The following DNAAF5 variants were observed in gnomAD, a reference collection of about 807,000 sequenced individuals.
The protein encoded by DNAAF5 is HEAT repeat containing 2.
A neutral mutation model predicts 75.8 loss-of-function variants in DNAAF5; 64 were observed. That is an observed-to-expected ratio of 0.84 (90% confidence interval 0.69 to 1.04). DNAAF5 has a LOEUF of 1.04. Ranked by LOEUF, DNAAF5 falls within the 50% of genes least tolerant of loss-of-function variation. DNAAF5 has a pLI of 0.00. For synonymous variants in DNAAF5, 657 were observed against 557.2 expected (o/e 1.18, Z -2.52); for missense variants, 1,269 against 1,178.5 (o/e 1.08, Z -1.12).
intron 7 of DNAAF5, among the ~76,000 whole-genome samples, chr7:762,552 C>T (rs1782695199): frequency 1.3e-5 from 2 of 152,028 alleles, no homozygotes; most frequent in African/African-American, 2.4e-5. Flanking sequence ...CGTGATTTCC[C>T]GCTCTCATTG....
chr7:737,292 C>T (rs1400920218), intron 2 of DNAAF5, among the ~76,000 whole-genome samples: 3 of 152,132 alleles, frequency 2.0e-5, no homozygotes, highest in Non-Finnish European at 4.4e-5. Flanking sequence ...GACAAGGTTT[C>T]ATCATGTTGG....
At chr7:738,464 C>T (rs1373903271) in intron 2 of DNAAF5, among the ~76,000 whole-genome samples, 1 of 152,046 alleles carries the variant, frequency 6.6e-6, no homozygotes, top group Admixed American at 6.6e-5. Flanking sequence ...CCTGGATGCT[C>T]CTGATGCTTG....
chr7:783,211 A>T (rs943357261), intron 12 of DNAAF5, among the ~76,000 whole-genome samples: 1 of 152,170 alleles, frequency 6.6e-6, no homozygotes, highest in Admixed American at 6.5e-5. Flanking sequence ...TCCGTCCGCC[A>T]TTCTTCCTGG....
chr7:758,518 G>A (rs1361662061), intron 6 of DNAAF5, among the ~76,000 whole-genome samples: 1 of 152,196 alleles, frequency 6.6e-6, no homozygotes, highest in African/African-American at 2.4e-5. Context: ...ACGTGTGTCG[G>A]CCCTTTGGCC....
At chr7:741,125 A>G (rs1166544496) in intron 3 of DNAAF5, among the ~76,000 whole-genome samples, 182 bp downstream of exon 3, 3 of 152,188 alleles carry the variant, frequency 2.0e-5, no homozygotes. Context: ...TCTTTTTAAC[A>G]TTGGACTGAG....
Position 726,864 on chromosome 7 carries a change from C to G in DNAAF5, c.144C>G (p.Arg48=). ...CCGACAGCAAGCCGGGCCGGCGGCG[C>G]GCCTTGGAGGCCCTGCGGCGCGCGC... ...LEADSKPGRR[R]ALEALRRALE... is the part of the protein sequence containing the mutation. Residue 48 remains arginine (R), a synonymous_variant, in exon 1 of 13, where the codon CGC becomes CGG. Transcript: ENST00000297440. 7.6e-7 allele frequency: 1 copy of G among 1,317,338 alleles called. No individual in the cohort carries two copies. The highest frequency in any genetic ancestry group is 9.6e-7 in the Non-Finnish European group (1 of 1,036,538). 81.6% of individuals were successfully genotyped at this position (1,317,338 alleles called of 1,614,324 possible).
Position 726,755 on chromosome 7 carries a change from C to A in DNAAF5, c.35C>A (p.Ala12Asp). 1 of 1,255,084 alleles carries A rather than the reference C, an allele frequency of 8.0e-7. No homozygotes were observed. Among genetic ancestry groups the A allele is most frequent in the South Asian group, 3.2e-5 (1 of 31,178 alleles). The allele number at this position is 1,255,084 out of a possible 1,614,324, so 77.7% of individuals were successfully genotyped here. A position where few individuals can be genotyped will look rare whatever the true frequency, so the allele number is the denominator to read the frequency against. Residue 12 changes from alanine to aspartate, a missense_variant, in exon 1 of 13, where the codon GCC (alanine) becomes GAC (aspartate). Coordinates refer to ENST00000297440, the MANE Select transcript of DNAAF5 (RefSeq NM_017802.4). ...CTGGGGGTGGCGGAGGCCGTGGCGG[C>A]CCCACACCCGGCTGAGGGGGCCGAG... ...AALGVAEAVA[A>D]PHPAEGAETA...
At chr7:748,286 T>C (rs1475003353) in intron 4 of DNAAF5, among the ~76,000 whole-genome samples, 4 of 142,624 alleles carry the variant, frequency 2.8e-5, no homozygotes. Flanking sequence ...TGGCCCACGG[T>C]GTTGGTGGGG....
chr7:756,936 A>G lies in DNAAF5; in HGVS notation c.1412A>G (p.His471Arg), dbSNP rs1782504598. 1 of 1,608,630 alleles carries G rather than the reference A, an allele frequency of 6.2e-7. No individual in the cohort carries two copies. The highest frequency in any genetic ancestry group is 1.3e-5 in the African/African-American group (1 of 74,782). Residue 471 changes from histidine to arginine, a missense_variant, in exon 6 of 13, where the codon CAC becomes CGC. Physicochemically the swap from His to Arg is conservative, Grantham distance 29. Coordinates refer to ENST00000297440, the MANE Select transcript of DNAAF5 (RefSeq NM_017802.4). ...RGCPREALQP[H>R]LAAIATELAQ... ...TGCCCCCGAGAAGCCCTCCAGCCGC[A>G]CCTGGCAGCCATCGCCACAGAGCTG...
chr7:784,036 TCCCCCACC>T (rs758883417), intron 12 of DNAAF5, among the ~76,000 whole-genome samples: 48 of 68,282 alleles, frequency 7.0e-4, no homozygotes, highest in Admixed American at 2.3e-3. Flanking sequence ...CTCCCCCACC[TCCCCCACC>T]GCACATCCGC....
At chr7:752,810 G>C (rs1176028924) in intron 4 of DNAAF5, among the ~76,000 whole-genome samples, 1 of 152,266 alleles carries the variant, frequency 6.6e-6, no homozygotes, top group Non-Finnish European at 1.5e-5. Context: ...GATGTTTGGA[G>C]ATGATGTATG....
rs1430504181 is a variant in DNAAF5, at chr7:775,007, T to TA, written c.2085dup (p.Arg696ThrfsTer52). ...GTCGTATGTGTTTGCTGATTGCAGA[T>TA]ACGGGACGTGCAGGAAACACTGATG... is the stretch of plus-strand genomic sequence containing the variant. On this transcript the variant is annotated frameshift_variant and splice_region_variant, in exon 11 of 13. Coordinates refer to ENST00000297440, the MANE Select transcript of DNAAF5 (RefSeq NM_017802.4). LOFTEE classifies it high-confidence loss of function. 6.2e-7 allele frequency: 1 copy of TA among 1,613,764 alleles called. No individual in the cohort carries two copies. The highest frequency in any genetic ancestry group is 8.5e-7 in the Non-Finnish European group (1 of 1,179,958).
At chr7:770,704 A>C in intron 9 of DNAAF5, 86 bp downstream of exon 9, 1 of 1,314,904 alleles carries the variant, frequency 7.6e-7, no homozygotes, top group South Asian at 1.3e-5. Context: ...CTCACTGAGC[A>C]AGGGGGTTCC....
chr7:763,730 T>C (rs1248458581), intron 7 of DNAAF5, 76 bp from the exon 8 acceptor site: 10 of 1,492,812 alleles, frequency 6.7e-6, no homozygotes, highest in Middle Eastern at 1.7e-4. Flanking sequence ...GTGAGGGGGA[T>C]AGTGAGTCCC....
intron 4 of DNAAF5, among the ~76,000 whole-genome samples, chr7:742,220 G>A (rs973477862): frequency 1.3e-5 from 2 of 152,160 alleles, no homozygotes; most frequent in Non-Finnish European, 2.9e-5. Flanking sequence ...GAGTCTATCT[G>A]CGGGGCATCT....
At chr7:764,804 C>T (rs1232537414) in intron 8 of DNAAF5, among the ~76,000 whole-genome samples, 1 of 152,118 alleles carries the variant, frequency 6.6e-6, no homozygotes, top group Non-Finnish European at 1.5e-5. Flanking sequence ...GGCGTGGTGG[C>T]TCACGCCTGT....
At chr7:740,690 TG>T in intron 2 of DNAAF5, 128 bp from the exon 3 acceptor site, 1 of 1,316,492 alleles carries the variant, frequency 7.6e-7, no homozygotes, top group Non-Finnish European at 1.1e-6. Flanking sequence ...CGGTGGTAGG[TG>T]GCCCAGGACC....
intron 8 of DNAAF5, among the ~76,000 whole-genome samples, chr7:768,092 T>C (rs1004915935): frequency 1.4e-5 from 2 of 140,374 alleles, no homozygotes; most frequent in African/African-American, 5.4e-5. Flanking sequence ...GAGCGGGAGC[T>C]CGCGCTGGGA....
At chr7:727,446 G>T in intron 1 of DNAAF5, 131 bp downstream of exon 1, 1 of 324,126 alleles carries the variant, frequency 3.1e-6, no homozygotes, top group Non-Finnish European at 4.7e-6. Flanking sequence ...CAACATCCCG[G>T]ACCCCCCATG....
Sources: allele counts gnomAD v4.1 joint callset (sites outside exome capture counted in the v4.1 genomes callset), GRCh38; gene constraint gnomAD v4.1.1; transcripts MANE v1.5; gene names NCBI Gene and HGNC (gene_info 2026-07-23, HGNC 2026-07-21).